SEMA3D: variants seen among roughly 807,000 people sequenced by gnomAD.
SEMA3D encodes semaphorin 3D.
In SEMA3D, 84 loss-of-function variants were observed where a neutral mutation model predicts 100.1. That is an observed-to-expected ratio of 0.84 (90% CI 0.70 to 1.01). The LOEUF (loss-of-function observed/expected upper bound fraction) is 1.01. SEMA3D is among the 50% of genes least tolerant of loss of function. SEMA3D has a pLI of 0.00. For missense variants in SEMA3D, 875 were observed against 934.1 expected (o/e 0.94, Z 0.82); for synonymous variants, 312 against 320.7 (o/e 0.97, Z 0.29).
chr7:85,039,805 T>C (rs1790804616), intron 11 of SEMA3D, among the ~76,000 whole-genome samples: 1 of 152,078 alleles, frequency 6.6e-6, no homozygotes, highest in African/African-American at 2.4e-5. Flanking sequence ...TGGGAAATGA[T>C]AATAGGACAG....
chr7:85,022,512 T>A lies in SEMA3D; in HGVS notation c.1293A>T (p.Val431=). ...IKRHSVMYKS[V]YPVAGGPTFK... is the part of the protein sequence containing the mutation. ...ACGTTGGTCCTCCTGCAACTGGGTATACGGACTTATACATCACAGAGTGCC... is the reference window on the plus strand; with the variant it reads ...ACGTTGGTCCTCCTGCAACTGGGTAAACGGACTTATACATCACAGAGTGCC... The change falls in exon 13 of 19, where the codon GTA becomes GTT. Residue 431 remains valine, a synonymous_variant. Coordinates refer to ENST00000284136, the MANE Select transcript of SEMA3D (RefSeq NM_001384900.1). 2 of 1,612,360 alleles carry A rather than the reference T, an allele frequency of 1.2e-6. No individual in the cohort carries two copies. The highest frequency in any genetic ancestry group is 1.7e-6 in the Non-Finnish European group (2 of 1,178,790).
chr7:85,214,761 G>C, the SEMA3D span, among the ~76,000 whole-genome samples: 1 of 152,122 alleles, frequency 6.6e-6, no homozygotes, highest in Admixed American at 6.6e-5. Context: ...CTCCCAAAGT[G>C]CTGGGATTAC....
At chr7:85,040,815 T>C in intron 10 of SEMA3D, 73 bp from the exon 11 acceptor site, 1 of 709,054 alleles carries the variant, frequency 1.4e-6, no homozygotes. Context: ...ATAACACAAC[T>C]GAAACTCTGA....
At chr7:85,086,167 C>A (rs906338155) in intron 4 of SEMA3D, among the ~76,000 whole-genome samples, 1 of 152,062 alleles carries the variant, frequency 6.6e-6, no homozygotes, top group Non-Finnish European at 1.5e-5. Flanking sequence ...AACAGAATTA[C>A]CTTAAGCAAA....
At chr7:85,117,870 TA>T (rs898929114) in intron 3 of SEMA3D, among the ~76,000 whole-genome samples, 22 of 150,868 alleles carry the variant, frequency 1.5e-4, no homozygotes, top group African/African-American at 5.3e-4. Context: ...CATATAGATA[TA>T]AAAATATATC....
intron 1 of SEMA3D, among the ~76,000 whole-genome samples, chr7:85,181,167 C>A (rs959365431): frequency 2.6e-5 from 4 of 152,172 alleles, no homozygotes; most frequent in Non-Finnish European, 5.9e-5. Context: ...CAGGCTTATC[C>A]ACTGTGAAAT....
At chr7:85,246,039 A>C in the SEMA3D span, among the ~76,000 whole-genome samples, 1 of 152,124 alleles carries the variant, frequency 6.6e-6, no homozygotes, top group South Asian at 2.1e-4. Context: ...ATTTGAGTAG[A>C]TGTTAATGAA....
At chr7:85,202,418 A>G in the SEMA3D span, among the ~76,000 whole-genome samples, 1 of 151,880 alleles carries the variant, frequency 6.6e-6, no homozygotes, top group Non-Finnish European at 1.5e-5. Context: ...ATAGTATTCC[A>G]TGGTGTATAT....
intron 1 of SEMA3D, among the ~76,000 whole-genome samples, chr7:85,184,568 AT>A (rs775577375): frequency 1.4e-4 from 22 of 152,142 alleles, no homozygotes; most frequent in Admixed American, 4.6e-4. Context: ...GAGGATATTA[AT>A]TGTGATAAAG....
At chr7:85,052,290 T>C (rs1360870845) in intron 9 of SEMA3D, among the ~76,000 whole-genome samples, 1 of 151,930 alleles carries the variant, frequency 6.6e-6, no homozygotes, top group African/African-American at 2.4e-5. Context: ...GCTTAAAACA[T>C]TTTATAATCC....
the SEMA3D span, among the ~76,000 whole-genome samples, chr7:85,201,248 G>C: frequency 6.6e-6 from 1 of 152,090 alleles, no homozygotes; most frequent in Admixed American, 6.5e-5. Flanking sequence ...AATTTCCAAG[G>C]AATGCCTCCT....
chr7:85,118,428 T>C (rs777310922), intron 3 of SEMA3D, among the ~76,000 whole-genome samples: 2 of 152,164 alleles, frequency 1.3e-5, no homozygotes, highest in Non-Finnish European at 2.9e-5. Flanking sequence ...TATCTGGACA[T>C]TATGGATATT....
At chr7:85,195,906 C>T in the SEMA3D span, among the ~76,000 whole-genome samples, 1 of 152,116 alleles carries the variant, frequency 6.6e-6, no homozygotes. Flanking sequence ...TCAATTCCTT[C>T]GTCTTCCTTT....
chr7:85,106,716 C>T (rs541224306), intron 3 of SEMA3D, among the ~76,000 whole-genome samples: 2 of 152,026 alleles, frequency 1.3e-5, no homozygotes, highest in African/African-American at 4.8e-5. Flanking sequence ...GTTTAATTAA[C>T]TCACAGTTCC....
chr7:85,055,923 G>A (rs1791305898), intron 8 of SEMA3D, 64 bp from the exon 9 acceptor site: 1 of 908,366 alleles, frequency 1.1e-6, no homozygotes, highest in Non-Finnish European at 1.6e-6. Flanking sequence ...ATAGTTTGAT[G>A]ATATTTCCAC....
At chr7:85,045,954 T>C (rs1056244009) in intron 9 of SEMA3D, among the ~76,000 whole-genome samples, 2 of 151,910 alleles carry the variant, frequency 1.3e-5, no homozygotes, top group Non-Finnish European at 2.9e-5. Context: ...ATAGTATTTA[T>C]TAAATTTTCT....
the SEMA3D span, among the ~76,000 whole-genome samples, chr7:85,225,107 CATACATAT>C: frequency 5.3e-5 from 2 of 37,740 alleles, no homozygotes; most frequent in Non-Finnish European, 9.6e-5. Context: ...TATATATATA[CATACATAT>C]ATACATATAT....
At chr7:85,099,625 T>C (rs1280005389) in intron 3 of SEMA3D, among the ~76,000 whole-genome samples, 3 of 151,980 alleles carry the variant, frequency 2.0e-5, no homozygotes, top group Admixed American at 6.6e-5. Context: ...AAAGTGTCTA[T>C]ACCACTTTGC....
the SEMA3D span, among the ~76,000 whole-genome samples, chr7:85,194,895 C>T: frequency 6.6e-6 from 1 of 152,006 alleles, no homozygotes; most frequent in African/African-American, 2.4e-5. Flanking sequence ...CTTATAAGGA[C>T]ATCAGTTATA....
Sources: allele counts gnomAD v4.1 joint callset (sites outside exome capture counted in the v4.1 genomes callset), GRCh38; gene constraint gnomAD v4.1.1; transcripts MANE v1.5; gene names NCBI Gene and HGNC (gene_info 2026-07-23, HGNC 2026-07-21).